The following ABR variants were observed in gnomAD, a reference collection of about 807,000 sequenced individuals.
ABR encodes the protein ABR activator of RhoGEF and GTPase, also known as active breakpoint cluster region-related protein.
In ABR, 35 loss-of-function variants were observed where a neutral mutation model predicts 107.2. The observed-to-expected ratio is 0.33, with a 90% CI of 0.25 to 0.43. The LOEUF (loss-of-function observed/expected upper bound fraction) is 0.43. Among genes scored for constraint, ABR ranks in the 20% least tolerant of loss-of-function variants. The probability of loss-of-function intolerance (pLI) is 1.00; values close to 1 mark genes in which losing one functional copy is unlikely to be tolerated. For synonymous variants in ABR, 498 were observed against 462.0 expected (o/e 1.08, Z -1.00); for missense variants, 815 against 1,115.2 (o/e 0.73, Z 3.83).
Position 1,078,920 on chromosome 17 carries a change from C to A in ABR, c.700+410G>T, listed in dbSNP as rs1019423817. 79 of 1,532,096 alleles carry A rather than the reference C, an allele frequency of 5.2e-5. No individual in the cohort carries two copies. The highest frequency in any genetic ancestry group is 6.6e-5 in the Non-Finnish European group (75 of 1,144,796). 94.9% of individuals were successfully genotyped at this position (1,532,096 alleles called of 1,614,324 possible). On this transcript the variant is annotated intron_variant, in intron 6 of 22. Transcript: ENST00000302538. This position sits in a 1 kb window ranked among gnomAD's most constrained non-coding sequence, Gnocchi z 7.5. The stretch of plus-strand genomic sequence containing the variant: ...ATCGCTCCAGGCTCCCCGGCGCCCA[C>A]CAGCAGCCCGGCCACTCAGCCACCT...
intron 11 of ABR, 37 bp downstream of exon 11, chr17:1,058,708 A>G: frequency 6.2e-7 from 1 of 1,610,102 alleles, no homozygotes; most frequent in Admixed American, 1.7e-5. Context: ...TGGACTAAGG[A>G]AGGGGCTGTC....
chr17:1,047,805 G>A (rs1238938926), intron 16 of ABR, among the ~76,000 whole-genome samples: 1 of 152,098 alleles, frequency 6.6e-6, no homozygotes, highest in Non-Finnish European at 1.5e-5. Context: ...CTGATGGTGT[G>A]TTTCCCCCGG....
In ABR at chr17:1,012,765, G is replaced by A; in HGVS notation, c.1884C>T (p.Ser628=). ...IKVEFSMKFT[S]RDMSLKRTPS... is the part of the protein sequence containing the mutation. ...GGGTCCTCTTCAGGCTCATATCTCG[G>A]CTGGTGAATTTCATGGAAAATTCCA... The change falls in exon 18 of 23, where the codon AGC becomes AGT. Residue 628 remains serine (S), a synonymous_variant. Transcript: ENST00000302538. 2.5e-6 allele frequency: 4 copies of A among 1,594,928 alleles called. No individual in the cohort carries two copies. Among genetic ancestry groups the A allele is most frequent in the Non-Finnish European group, 3.4e-6 (4 of 1,170,018 alleles).
At chr17:1,101,903 T>C (rs1263158440) in intron 2 of ABR, among the ~76,000 whole-genome samples, 1 of 151,906 alleles carries the variant, frequency 6.6e-6, no homozygotes, top group Non-Finnish European at 1.5e-5. Context: ...CCAGCTAACT[T>C]TTTGTATTTT....
chr17:1,077,209 C>G (rs542904295), intron 6 of ABR, among the ~76,000 whole-genome samples: 1 of 152,302 alleles, frequency 6.6e-6, no homozygotes, highest in African/African-American at 2.4e-5. Context: ...CAATGAACCA[C>G]AGGAGCGTTC....
At chr17:1,021,886 C>A (rs900054213) in intron 16 of ABR, among the ~76,000 whole-genome samples, 1 of 150,690 alleles carries the variant, frequency 6.6e-6, no homozygotes, top group African/African-American at 2.5e-5. Context: ...CAGCCGGGCG[C>A]GGTGGCTCAT....
At chr17:1,058,938 C>T (rs1567672618) in intron 10 of ABR, 71 bp from the exon 11 acceptor site, 2 of 1,583,824 alleles carry the variant, frequency 1.3e-6, no homozygotes, top group Non-Finnish European at 1.7e-6. Flanking sequence ...CTAAGCACGA[C>T]ACTCCACTGT....
intron 5 of ABR, among the ~76,000 whole-genome samples, chr17:1,081,327 G>C (rs573409148): frequency 1.3e-5 from 2 of 152,128 alleles, no homozygotes; most frequent in African/African-American, 2.4e-5. Context: ...CTCCCGCCTC[G>C]GCCTCCCAAA....
In ABR at chr17:1,101,759, A is replaced by G. The variant is rs567504284; in HGVS notation, c.247-1024T>C. Among the ~76,000 whole-genome samples the G allele has an allele frequency of 3.4e-4, 50 of 146,936 alleles. No homozygotes were observed. In the South Asian group the frequency reaches 4.9e-3, roughly 14 times the overall value. On this transcript the variant is annotated intron_variant, in intron 2 of 22. Transcript: ENST00000302538. ...CTTTTTTTTTTTTTTTTAGAGACGG[A>G]GTCTCGCTCTGTCGCCCAGGCTAGA... is the stretch of plus-strand genomic sequence containing the variant.
intron 1 of ABR, among the ~76,000 whole-genome samples, chr17:1,165,220 G>A (rs553969249): frequency 1.6e-4 from 24 of 152,354 alleles, no homozygotes; most frequent in African/African-American, 4.3e-4. Context: ...GCCCTGGAGC[G>A]CCTTCCCACA....
intron 16 of ABR, among the ~76,000 whole-genome samples, chr17:1,049,807 G>T (rs187094270): frequency 6.6e-6 from 1 of 152,338 alleles, no homozygotes; most frequent in East Asian, 1.9e-4. Context: ...AAACAAAGCT[G>T]GTTGTTTCCA....
At chr17:1,021,670 G>A (rs1044498057) in intron 16 of ABR, among the ~76,000 whole-genome samples, 8 of 151,902 alleles carry the variant, frequency 5.3e-5, no homozygotes, top group African/African-American at 1.7e-4. Flanking sequence ...CAGGCGTGGT[G>A]GCGGGTGCCT....
At chr17:1,182,583 A>G (rs1049376064), upstream of ABR, among the ~76,000 whole-genome samples, 39 of 152,094 alleles carry the variant, frequency 2.6e-4, no homozygotes, top group Admixed American at 6.6e-4. Flanking sequence ...AGCCAGGATG[A>G]TCTTGATCTC....
intron 2 of ABR, among the ~76,000 whole-genome samples, chr17:1,108,663 G>C (rs977683110): frequency 5.3e-5 from 8 of 152,354 alleles, no homozygotes; most frequent in South Asian, 2.1e-4. Flanking sequence ...GGCGAGGCTC[G>C]GGCTGACAGG....
chr17:1,221,821 G>C (rs924359415), intron 1 of ABR, among the ~76,000 whole-genome samples: 1 of 152,238 alleles, frequency 6.6e-6, no homozygotes, highest in African/African-American at 2.4e-5. Context: ...TGACGGGGAA[G>C]CATCAGGGAC....
At chr17:1,218,247 T>C (rs1013474268) in intron 1 of ABR, among the ~76,000 whole-genome samples, 4 of 152,222 alleles carry the variant, frequency 2.6e-5, no homozygotes, top group African/African-American at 9.6e-5. Flanking sequence ...ACAGGTGAAT[T>C]AACTTGGTTA....
At chr17:1,174,686 C>T (rs115034408) in intron 1 of ABR, among the ~76,000 whole-genome samples, 2,449 of 152,302 alleles carry the variant, frequency 0.016, 60 homozygotes, top group African/African-American at 0.055. Flanking sequence ...TTCTGCCTTC[C>T]ATGACGGCCA....
intron 1 of ABR, among the ~76,000 whole-genome samples, chr17:1,136,656 C>A (rs1422358632): frequency 6.6e-6 from 1 of 152,230 alleles, no homozygotes; most frequent in East Asian, 1.9e-4. Flanking sequence ...AAAGCGGCTT[C>A]TTTCCTGACC....
chr17:1,021,399 G>A (rs12941968), intron 16 of ABR, among the ~76,000 whole-genome samples: 4,313 of 152,290 alleles, frequency 0.028, 101 homozygotes, highest in South Asian at 0.11. Context: ...CTCGGGGGCC[G>A]CCCCATCCTG....
Sources: allele counts gnomAD v4.1 joint callset (sites outside exome capture counted in the v4.1 genomes callset), GRCh38; gene constraint gnomAD v4.1.1; non-coding constraint Gnocchi (gnomAD v3.1); transcripts MANE v1.5; gene names NCBI Gene and HGNC (gene_info 2026-07-23, HGNC 2026-07-21).